The following TBC1D14 variants were observed in gnomAD, a reference collection of about 807,000 sequenced individuals.
TBC1D14 encodes TBC1 domain family, member 14.
TBC1D14 carries 26 observed loss-of-function variants against 79.0 expected under a neutral mutation model. That is an observed-to-expected ratio of 0.33 (90% CI 0.24 to 0.46). The LOEUF is 0.46. Ranked by LOEUF, TBC1D14 falls within the 20% of genes least tolerant of loss-of-function variation. The pLI, the probability that TBC1D14 is intolerant of heterozygous loss-of-function variation, is 1.00. For synonymous variants in TBC1D14, 394 were observed against 349.9 expected (o/e 1.13, Z -1.40); for missense variants, 769 against 887.6 (o/e 0.87, Z 1.70).
At chr4:6,915,720 G>A (rs1723346207) in intron 1 of TBC1D14, among the ~76,000 whole-genome samples, 1 of 152,124 alleles carries the variant, frequency 6.6e-6, no homozygotes, top group Admixed American at 6.6e-5. Flanking sequence ...GTGCTGTTAG[G>A]TGCTGCAGGC....
chr4:6,988,560 A>G (rs1271122471), intron 3 of TBC1D14, among the ~76,000 whole-genome samples: 1 of 152,190 alleles, frequency 6.6e-6, no homozygotes, highest in Non-Finnish European at 1.5e-5. Context: ...TTTGATAGGT[A>G]CCACTCGGAT....
At chr4:7,002,567 T>C (rs2109207113) in intron 7 of TBC1D14, among the ~76,000 whole-genome samples, 3 of 152,342 alleles carry the variant, frequency 2.0e-5, no homozygotes, top group Middle Eastern at 3.4e-3. Flanking sequence ...GCTCGATTTG[T>C]GTACATTGTG....
chr4:6,988,519 G>A (rs970006270), intron 3 of TBC1D14, among the ~76,000 whole-genome samples: 4 of 152,216 alleles, frequency 2.6e-5, no homozygotes, highest in African/African-American at 4.8e-5. Context: ...TGTGGTGGCC[G>A]TGCTGTCACA....
intron 1 of TBC1D14, among the ~76,000 whole-genome samples, chr4:6,918,622 C>A (rs950670226): frequency 6.6e-6 from 1 of 152,186 alleles, no homozygotes; most frequent in Non-Finnish European, 1.5e-5. Context: ...CATTTGAGGT[C>A]GCCTTACTTG....
chr4:7,018,925 A>G (rs1721541330), intron 12 of TBC1D14, among the ~76,000 whole-genome samples: 1 of 152,236 alleles, frequency 6.6e-6, no homozygotes, highest in Admixed American at 6.5e-5. Flanking sequence ...GAGCTAACAA[A>G]AGAATCGGGG....
rs1039592547 is a variant in TBC1D14 at position 7,021,270 on chromosome 4, T to C, written c.1758-3734T>C. On this transcript the variant is annotated intron_variant, in intron 12 of 13. Coordinates refer to ENST00000409757, the MANE Select transcript of TBC1D14 (RefSeq NM_020773.3). ...CTTTTGTCTGGGGTCTTTTCTAAGC[T>C]GAGAGACACGTCATTTGTTTAGCGA... Among the ~76,000 whole-genome samples the C allele has an allele frequency of 3.9e-5, 6 of 152,234 alleles. No homozygotes were observed. In the East Asian group the frequency reaches 1.2e-3, roughly 29 times the overall value.
chr4:6,958,889 A>ATT lies in TBC1D14; in HGVS notation c.723-8404_723-8403dup, dbSNP rs11392314. 1.2e-3 allele frequency among the ~76,000 whole-genome samples: 171 copies of ATT among 147,908 alleles called. No homozygotes were observed. In the South Asian group the frequency reaches 0.014, roughly 12 times the overall value. ...TGGTCAGCTTCTTGAGGATGGTAGCATTTTTTTTTTTTGAGACGGAGTCTC... is the reference window on the plus strand; with the variant it reads ...TGGTCAGCTTCTTGAGGATGGTAGCATTTTTTTTTTTTTTGAGACGGAGTCTC... On this transcript the variant is annotated intron_variant, in intron 2 of 13. Coordinates refer to ENST00000409757, the MANE Select transcript of TBC1D14 (RefSeq NM_020773.3).
chr4:6,987,499 A>T, intron 3 of TBC1D14: 1 of 666,110 alleles, frequency 1.5e-6, no homozygotes, highest in Non-Finnish European at 2.2e-6. Context: ...GTGTGCGAGC[A>T]TCACGTGTAT....
At chr4:6,990,626 A>G (rs1216411425) in intron 3 of TBC1D14, among the ~76,000 whole-genome samples, 1 of 152,190 alleles carries the variant, frequency 6.6e-6, no homozygotes, top group African/African-American at 2.4e-5. Flanking sequence ...GAACTTGGGA[A>G]TGATGAGTTG....
chr4:6,959,664 A>G (rs1276495828), intron 2 of TBC1D14, among the ~76,000 whole-genome samples: 1 of 152,224 alleles, frequency 6.6e-6, no homozygotes, highest in Non-Finnish European at 1.5e-5. Context: ...TTTGAGGCAT[A>G]GTAGGCATGA....
chr4:6,987,294 C>A, intron 3 of TBC1D14: 1 of 1,359,702 alleles, frequency 7.4e-7, no homozygotes, highest in Non-Finnish European at 9.5e-7. Flanking sequence ...GGCCGGCCCT[C>A]CGCTCGCTGG....
At chr4:6,941,802 C>T (rs545229431) in intron 2 of TBC1D14, among the ~76,000 whole-genome samples, 2 of 152,232 alleles carry the variant, frequency 1.3e-5, no homozygotes, top group Admixed American at 6.5e-5. Context: ...GTTCATGGAA[C>T]TTCCTCAGGC....
At chr4:6,986,075 G>A (rs1266765362) in intron 3 of TBC1D14, among the ~76,000 whole-genome samples, 1 of 152,112 alleles carries the variant, frequency 6.6e-6, no homozygotes, top group East Asian at 1.9e-4. Flanking sequence ...CTCACCCCCA[G>A]GCAAACATGA....
intron 12 of TBC1D14, 54 bp downstream of exon 12, chr4:7,014,611 C>T (rs1721104319): frequency 2.4e-6 from 3 of 1,242,324 alleles, no homozygotes; most frequent in Non-Finnish European, 3.5e-6. Flanking sequence ...CTTGTCTGTT[C>T]TTCACTCTCT....
intron 2 of TBC1D14, among the ~76,000 whole-genome samples, chr4:6,941,310 C>T (rs577231736): frequency 9.9e-5 from 15 of 151,820 alleles, no homozygotes; most frequent in Non-Finnish European, 1.8e-4. Context: ...CTCAGCCTCC[C>T]GGGTAGCTGG....
intron 3 of TBC1D14, among the ~76,000 whole-genome samples, chr4:6,973,182 C>T (rs1716369191): frequency 6.6e-6 from 1 of 152,118 alleles, no homozygotes; most frequent in African/African-American, 2.4e-5. Context: ...ATGTCTTGGG[C>T]GGCCTTCTGG....
At chr4:7,001,814 C>G (rs964351091) in intron 7 of TBC1D14, among the ~76,000 whole-genome samples, 1 of 152,128 alleles carries the variant, frequency 6.6e-6, no homozygotes, top group African/African-American at 2.4e-5. Flanking sequence ...CCCAGGTGTC[C>G]TGAGCACTCT....
chr4:6,972,364 G>A (rs958680407), intron 3 of TBC1D14, among the ~76,000 whole-genome samples: 1 of 152,142 alleles, frequency 6.6e-6, no homozygotes, highest in Non-Finnish European at 1.5e-5. Context: ...GTCAGCCGCC[G>A]GCCACCAAAT....
intron 3 of TBC1D14, among the ~76,000 whole-genome samples, chr4:6,991,685 G>A (rs917134601): frequency 1.3e-5 from 2 of 152,152 alleles, no homozygotes; most frequent in African/African-American, 4.8e-5. Flanking sequence ...CAGCCCCTTC[G>A]GGGGGCTGGT....
Sources: allele counts gnomAD v4.1 joint callset (sites outside exome capture counted in the v4.1 genomes callset), GRCh38; gene constraint gnomAD v4.1.1; transcripts MANE v1.5; gene names NCBI Gene and HGNC (gene_info 2026-07-23, HGNC 2026-07-21).